PRKCB: variants seen among roughly 807,000 people sequenced by gnomAD.
PRKCB encodes the protein protein kinase C beta, also known as protein kinase C beta type.
A neutral mutation model predicts 81.5 loss-of-function variants in PRKCB; 13 were observed. The observed-to-expected ratio is 0.16, with a 90% confidence interval of 0.10 to 0.25. The LOEUF (loss-of-function observed/expected upper bound fraction) is 0.25, where lower values mean the gene tolerates loss of function less well. Among genes scored for constraint, PRKCB ranks in the 10% least tolerant of loss-of-function variants. The probability of loss-of-function intolerance (pLI) is 1.00; values close to 1 mark genes in which losing one functional copy is unlikely to be tolerated. For missense variants in PRKCB, 509 were observed against 875.7 expected (o/e 0.58, Z 5.29); for synonymous variants, 335 against 321.4 (o/e 1.04, Z -0.45).
intron 9 of PRKCB, among the ~76,000 whole-genome samples, chr16:24,150,632 T>G (rs1967065651): frequency 6.6e-6 from 1 of 152,248 alleles, no homozygotes; most frequent in African/African-American, 2.4e-5. Flanking sequence ...GTGGTTACTC[T>G]TATTTTCCCT....
intron 5 of PRKCB, among the ~76,000 whole-genome samples, chr16:24,085,977 C>T (rs946594733): frequency 6.6e-6 from 1 of 152,124 alleles, no homozygotes; most frequent in Non-Finnish European, 1.5e-5. Context: ...GCCTTTGGGA[C>T]CACGATGTGC....
chr16:23,880,903 C>T (rs1215249642), intron 2 of PRKCB, among the ~76,000 whole-genome samples: 1 of 152,126 alleles, frequency 6.6e-6, no homozygotes. Context: ...TTTCAATTCA[C>T]ATTTTACGAT....
At position 24,035,528 on chromosome 16, in the gene PRKCB, G is replaced by A; in HGVS notation, c.510G>A (p.Arg170=). Reference sequence around the variant, plus strand: ...TCTACATCCAGGCCCACATCGACAGGGACGTCCTCATTGTCCTCGGTAGGT... The same window carrying A: ...TCTACATCCAGGCCCACATCGACAGAGACGTCCTCATTGTCCTCGGTAGGT... The part of the protein sequence containing the change: ...GRIYIQAHID[R]DVLIVLVRDA... Residue 170 remains arginine, a synonymous_variant, in exon 5 of 17, where the codon AGG becomes AGA. Coordinates refer to ENST00000643927, the MANE Select transcript of PRKCB (RefSeq NM_002738.7). 2 of 1,613,994 alleles carry A rather than the reference G, an allele frequency of 1.2e-6. No homozygotes were observed. The highest frequency in any genetic ancestry group is 1.7e-5 in the Admixed American group (1 of 59,988).
intron 10 of PRKCB, among the ~76,000 whole-genome samples, chr16:24,156,172 A>G (rs1458266898): frequency 6.6e-6 from 1 of 152,198 alleles, no homozygotes; most frequent in Non-Finnish European, 1.5e-5. Context: ...CCCTAGTGGT[A>G]TAGTTCCTGT....
chr16:24,169,572 C>G lies in PRKCB; in HGVS notation c.1240-2698C>G, dbSNP rs1277191516. 4.6e-5 allele frequency among the ~76,000 whole-genome samples: 7 copies of G among 152,114 alleles called. No individual in the cohort carries two copies. The East Asian group carries it at 5.8e-4, about 13-fold the overall frequency. ...TTTCTCCGCCTGGTAAGCTCTCACTCTCAATACCTGCATAGCTGCTTTCGT... is the reference window on the plus strand; with the variant it reads ...TTTCTCCGCCTGGTAAGCTCTCACTGTCAATACCTGCATAGCTGCTTTCGT... On this transcript the variant is annotated intron_variant, in intron 10 of 16. Coordinates refer to ENST00000643927, the MANE Select transcript of PRKCB (RefSeq NM_002738.7).
At chr16:24,062,108 T>C (rs969066139) in intron 5 of PRKCB, among the ~76,000 whole-genome samples, 3 of 152,184 alleles carry the variant, frequency 2.0e-5, no homozygotes, top group Admixed American at 6.5e-5. Context: ...ACTAATTGTA[T>C]CAGTAAGCAT....
intron 3 of PRKCB, among the ~76,000 whole-genome samples, chr16:23,999,595 CTTG>C: frequency 6.6e-6 from 1 of 152,320 alleles, no homozygotes; most frequent in Non-Finnish European, 1.5e-5. Context: ...AGTCATCCTT[CTTG>C]TTCTTGATCT....
intron 2 of PRKCB, among the ~76,000 whole-genome samples, chr16:23,867,379 C>T (rs573651422): frequency 4.2e-4 from 64 of 152,354 alleles, no homozygotes; most frequent in South Asian, 1.5e-3. Context: ...GCCTCGGCCT[C>T]CCAAAGTGCT....
At chr16:23,878,898 G>A (rs1023933909) in intron 2 of PRKCB, among the ~76,000 whole-genome samples, 2 of 152,104 alleles carry the variant, frequency 1.3e-5, no homozygotes, top group African/African-American at 4.8e-5. Flanking sequence ...TGTTGGCTGG[G>A]TGTGGTGGTG....
intron 5 of PRKCB, among the ~76,000 whole-genome samples, chr16:24,035,940 T>A (rs1012884245): frequency 6.6e-6 from 1 of 152,128 alleles, no homozygotes; most frequent in Non-Finnish European, 1.5e-5. Context: ...GAAGGGAAGC[T>A]TGCTTCTTCC....
chr16:23,948,612 G>A (rs899562802), intron 2 of PRKCB, among the ~76,000 whole-genome samples: 1 of 151,948 alleles, frequency 6.6e-6, no homozygotes, highest in Non-Finnish European at 1.5e-5. Context: ...TCACCATGTT[G>A]GCCAGGCTGG....
chr16:24,199,228 C>T (rs1241475906), intron 16 of PRKCB, among the ~76,000 whole-genome samples: 1 of 152,200 alleles, frequency 6.6e-6, no homozygotes, highest in Non-Finnish European at 1.5e-5. Context: ...GCTTCAGAAA[C>T]TAAATCATAC....
intron 16 of PRKCB, among the ~76,000 whole-genome samples, chr16:24,204,755 A>G (rs1391015042): frequency 6.6e-6 from 1 of 152,214 alleles, no homozygotes; most frequent in East Asian, 1.9e-4. Flanking sequence ...GCCATCTAGG[A>G]TACAAACCAA....
At chr16:23,855,158 G>C (rs1167252467) in intron 2 of PRKCB, among the ~76,000 whole-genome samples, 1 of 151,982 alleles carries the variant, frequency 6.6e-6, no homozygotes, top group Non-Finnish European at 1.5e-5. Flanking sequence ...CGGGGGAGGG[G>C]GTGGCAGGAG....
intron 2 of PRKCB, among the ~76,000 whole-genome samples, chr16:23,951,362 C>T (rs369817393): frequency 6.6e-6 from 1 of 152,108 alleles, no homozygotes; most frequent in Non-Finnish European, 1.5e-5. Context: ...TAGGCATACG[C>T]TTTTTGGGCA....
At chr16:23,890,053 T>C (rs1482418994) in intron 2 of PRKCB, among the ~76,000 whole-genome samples, 1 of 152,240 alleles carries the variant, frequency 6.6e-6, no homozygotes, top group South Asian at 2.1e-4. Context: ...ACTTTACACA[T>C]AGTAGACACT....
rs894253349 is a variant in PRKCB, at chr16:24,218,568, C to A, written c.*3752C>A. The A allele has an allele frequency of 5.1e-6, 5 of 985,322 alleles. No homozygotes were observed. In the African/African-American group the frequency reaches 8.7e-5, roughly 17 times the overall value. The allele number at this position is 985,322 out of a possible 1,614,324, so 61.0% of individuals were successfully genotyped here. ...GAGTAAGGAGGGAACTCCATAGAGA[C>A]ATTTTACCTATCTCAGGGGAGCAGC... On this transcript the variant is annotated 3_prime_UTR_variant, in exon 17 of 17. Coordinates refer to ENST00000643927, the MANE Select transcript of PRKCB (RefSeq NM_002738.7).
intron 2 of PRKCB, among the ~76,000 whole-genome samples, chr16:23,875,035 T>G (rs1417347105): frequency 1.0e-5 from 1 of 95,482 alleles, no homozygotes; most frequent in Non-Finnish European, 1.9e-5. Flanking sequence ...TTTCTCTATG[T>G]CCTTTTTTTT....
At chr16:24,214,024 G>T (rs1246162988) in intron 16 of PRKCB, among the ~76,000 whole-genome samples, 1 of 152,224 alleles carries the variant, frequency 6.6e-6, no homozygotes, top group Non-Finnish European at 1.5e-5. Context: ...TTGATGTTCA[G>T]TGACTGATCC....
Sources: gnomAD v4.1 joint callset for allele counts (sites outside exome capture counted in the v4.1 genomes callset) on GRCh38, gnomAD v4.1.1 for gene constraint, MANE v1.5 for transcripts, NCBI Gene and HGNC (gene_info 2026-07-23, HGNC 2026-07-21) for gene names.